The following DAGLB variants were observed in gnomAD, a reference collection of about 807,000 sequenced individuals.
DAGLB encodes diacylglycerol lipase-beta.
A neutral mutation model predicts 72.1 loss-of-function variants in DAGLB; 66 were observed. The observed-to-expected ratio is 0.92, with a 90% CI of 0.75 to 1.12. The LOEUF (loss-of-function observed/expected upper bound fraction) is 1.12. Among genes scored for constraint, DAGLB ranks in the 50% most tolerant of loss-of-function variants. The probability of loss-of-function intolerance (pLI) is 0.00; values close to 1 mark genes in which losing one functional copy is unlikely to be tolerated. For synonymous variants in DAGLB, 414 were observed against 359.5 expected, an observed-to-expected ratio of 1.15 and a Z score of -1.71; for missense variants, 1,065 against 884.9, an observed-to-expected ratio of 1.20 and a Z score of -2.58.
At chr7:6,411,364 G>A (rs1783722868) in intron 13 of DAGLB, among the ~76,000 whole-genome samples, 1 of 151,410 alleles carries the variant, frequency 6.6e-6, no homozygotes, top group African/African-American at 2.4e-5. Context: ...GCTCACACCT[G>A]TAATCCCAGC....
intron 2 of DAGLB, among the ~76,000 whole-genome samples, chr7:6,440,211 C>A (rs1482236324): frequency 6.6e-6 from 1 of 151,308 alleles, no homozygotes; most frequent in Non-Finnish European, 1.5e-5. Context: ...ATGGAGAAAC[C>A]CCATCTCTAC....
intron 9 of DAGLB, among the ~76,000 whole-genome samples, chr7:6,420,238 G>C (rs944590702): frequency 2.0e-5 from 3 of 151,994 alleles, no homozygotes; most frequent in Non-Finnish European, 4.4e-5. Context: ...TCAAGAGATA[G>C]AGACCAGCCT....
intron 5 of DAGLB, among the ~76,000 whole-genome samples, chr7:6,431,053 G>A (rs1784473069): frequency 6.6e-6 from 1 of 152,110 alleles, no homozygotes; most frequent in African/African-American, 2.4e-5. Flanking sequence ...TGGGAAGCCA[G>A]GCGTGAGCCA....
chr7:6,446,592 T>G (rs1363377862), intron 1 of DAGLB, among the ~76,000 whole-genome samples: 4 of 151,734 alleles, frequency 2.6e-5, no homozygotes, highest in Non-Finnish European at 5.9e-5. Flanking sequence ...GACAGGGTCT[T>G]GCTATGTTGC....
Position 6,409,481 on chromosome 7 carries a change from G to T in DAGLB, c.*356C>A. ...GAAAAGAGCTGCCTTGGGGGTGGGA[G>T]GCTAAGGAACTGTTCACGGTCTTCT... On this transcript the variant is annotated 3_prime_UTR_variant, in exon 15 of 15. Coordinates refer to ENST00000297056, the MANE Select transcript of DAGLB (RefSeq NM_139179.4). 3.8e-6 allele frequency: 1 copy of T among 260,812 alleles called. No homozygotes were observed. Among genetic ancestry groups the T allele is most frequent in the South Asian group, 6.2e-5 (1 of 16,224 alleles). The allele number at this position is 260,812 out of a possible 1,614,324, so 16.2% of individuals were successfully genotyped here. A position where few individuals can be genotyped will look rare whatever the true frequency, so the allele number is the denominator to read the frequency against.
chr7:6,418,674 T>G (rs1187944076), intron 9 of DAGLB, among the ~76,000 whole-genome samples: 1 of 151,894 alleles, frequency 6.6e-6, no homozygotes, highest in Non-Finnish European at 1.5e-5. Flanking sequence ...TTTTTTGTTT[T>G]TTTTTTTTGA....
At chr7:6,439,971 G>C (rs1032764915) in intron 2 of DAGLB, among the ~76,000 whole-genome samples, 4 of 148,740 alleles carry the variant, frequency 2.7e-5, no homozygotes, top group Non-Finnish European at 4.4e-5. Context: ...AGAATCGGTC[G>C]AACCCAAGAG....
intron 6 of DAGLB, among the ~76,000 whole-genome samples, chr7:6,427,873 T>C (rs1015698334): frequency 6.6e-6 from 1 of 152,098 alleles, no homozygotes; most frequent in Non-Finnish European, 1.5e-5. Context: ...CAGGACAAAA[T>C]CTGGAACATT....
chr7:6,432,843 G>A lies in DAGLB; in HGVS notation c.795C>T (p.Ser265=). The change falls in exon 5 of 15, where the codon AGC becomes AGT. Residue 265 remains serine, a synonymous_variant. Transcript: ENST00000297056. ...PAQVVCHAPG[S]SQEADLDAEL... ...TCCATGAAGCCAGGCTCACCTGGGA[G>A]CTCCCTGGGGCATGGCAGACCACCT... The A allele has an allele frequency of 2.5e-6, 4 of 1,613,442 alleles. No individual in the cohort carries two copies. Among genetic ancestry groups the A allele is most frequent in the Non-Finnish European group, 3.4e-6 (4 of 1,179,884 alleles).
chr7:6,434,519 G>A (rs1784591297), intron 4 of DAGLB, among the ~76,000 whole-genome samples: 1 of 152,088 alleles, frequency 6.6e-6, no homozygotes, highest in African/African-American at 2.4e-5. Context: ...ATTTTGACAG[G>A]GTAGTGAGTG....
chr7:6,433,391 C>T (rs946599426), intron 4 of DAGLB, among the ~76,000 whole-genome samples: 4 of 152,174 alleles, frequency 2.6e-5, no homozygotes, highest in African/African-American at 7.2e-5. Context: ...TGAGACTAAA[C>T]TCATACTCAC....
Position 6,409,719 on chromosome 7 carries a change from CGATTCCTGTT to C in DAGLB, c.*108_*117del. On this transcript the variant is annotated 3_prime_UTR_variant, in exon 15 of 15. Transcript: ENST00000297056. ...GAGACCATGGAATTCTGTTCCCATC[CGATTCCTGTT>C]GATGGACATTCGCTGTTTTGGCGTC... The C allele has an allele frequency of 8.6e-7, 1 of 1,168,500 alleles. No individual in the cohort carries two copies. The highest frequency in any genetic ancestry group is 2.6e-5 in the East Asian group (1 of 38,906). 72.4% of individuals were successfully genotyped at this position (1,168,500 alleles called of 1,614,324 possible).
intron 2 of DAGLB, 168 bp downstream of exon 2, chr7:6,445,785 G>A: frequency 1.4e-6 from 1 of 739,814 alleles, no homozygotes; most frequent in South Asian, 2.4e-5. Flanking sequence ...TCTTTCAGGA[G>A]TGAAGAAAAT....
chr7:6,446,121 A>AT lies in DAGLB; in HGVS notation c.96-18_96-17insA. 1.3e-6 allele frequency: 2 copies of AT among 1,569,834 alleles called. No homozygotes were observed. The highest frequency in any genetic ancestry group is 1.7e-6 in the Non-Finnish European group (2 of 1,160,154). ...CCAATCCACCTGGCAAAAAAAAAAA[A>AT]GGGAAGGGTCAGAAATGAAATCCAA... On this transcript the variant is annotated splice_polypyrimidine_tract_variant and intron_variant, in intron 1 of 14. Transcript: ENST00000297056.
intron 2 of DAGLB, among the ~76,000 whole-genome samples, chr7:6,445,038 T>G (rs1247505538): frequency 6.6e-6 from 1 of 152,222 alleles, no homozygotes; most frequent in Non-Finnish European, 1.5e-5. Flanking sequence ...CTGGTGGGAA[T>G]GTAAAATGGT....
chr7:6,438,226 T>C (rs1268691250), intron 2 of DAGLB, among the ~76,000 whole-genome samples: 6 of 152,066 alleles, frequency 3.9e-5, no homozygotes, highest in African/African-American at 1.2e-4. Flanking sequence ...GAGGGAGGGA[T>C]AGCATTAGGA....
intron 9 of DAGLB, among the ~76,000 whole-genome samples, chr7:6,419,080 C>A (rs1388475304): frequency 2.1e-5 from 3 of 145,560 alleles, no homozygotes; most frequent in Non-Finnish European, 4.5e-5. Flanking sequence ...GATGGCACTT[C>A]CTTTTTTTTT....
chr7:6,426,189 G>A, intron 6 of DAGLB, 75 bp from the exon 7 acceptor site: 1 of 1,594,816 alleles, frequency 6.3e-7, no homozygotes, highest in Non-Finnish European at 8.6e-7. Context: ...ACTGCCACAT[G>A]TTCCCAGAGA....
chr7:6,419,595 C>A (rs927880261), intron 9 of DAGLB, among the ~76,000 whole-genome samples: 2 of 152,198 alleles, frequency 1.3e-5, no homozygotes, highest in South Asian at 2.1e-4. Flanking sequence ...AGGCCCTGAG[C>A]GGCAGCCTTC....
Sources: allele counts gnomAD v4.1 joint callset (sites outside exome capture counted in the v4.1 genomes callset), GRCh38; gene constraint gnomAD v4.1.1; transcripts MANE v1.5; gene names NCBI Gene and HGNC (gene_info 2026-07-23, HGNC 2026-07-21).